The following APBB2 variants were observed in gnomAD, a reference collection of about 807,000 sequenced individuals.
APBB2 encodes the protein amyloid beta precursor protein binding family B member 2, also known as Fe65-like 1.
A neutral mutation model predicts 82.5 loss-of-function variants in APBB2; 38 were observed. The ratio of observed to expected loss-of-function variants is 0.46; its 90% CI spans 0.36 to 0.60. The LOEUF (loss-of-function observed/expected upper bound fraction) is 0.60. APBB2 is among the 20% of genes least tolerant of loss of function. The probability of loss-of-function intolerance (pLI) is 0.00; values close to 1 mark genes in which losing one functional copy is unlikely to be tolerated. For missense variants in APBB2, 772 were observed against 972.3 expected (o/e 0.79, Z 2.74); for synonymous variants, 341 against 368.2 (o/e 0.93, Z 0.85).
At chr4:40,957,474 T>C (rs1263649197) in intron 6 of APBB2, among the ~76,000 whole-genome samples, 1 of 152,228 alleles carries the variant, frequency 6.6e-6, no homozygotes. Context: ...TTTTCTGTCA[T>C]GTAGTTGAGC....
chr4:40,881,388 T>C (rs1768464933), intron 12 of APBB2: 6 of 984,966 alleles, frequency 6.1e-6, no homozygotes, highest in Non-Finnish European at 7.2e-6. Context: ...CTCTACTTCT[T>C]CCAGACTGAG....
chr4:40,823,232 T>G (rs982853510), intron 16 of APBB2, among the ~76,000 whole-genome samples: 1 of 152,228 alleles, frequency 6.6e-6, no homozygotes. Context: ...TAATGTGGCC[T>G]CTTCTCAAGA....
chr4:41,081,913 C>G (rs1452357292), intron 3 of APBB2, among the ~76,000 whole-genome samples: 2 of 152,180 alleles, frequency 1.3e-5, no homozygotes, highest in East Asian at 3.8e-4. Flanking sequence ...CAATTAAAAG[C>G]AAGTCAAATG....
chr4:41,168,474 G>A (rs746760629), intron 1 of APBB2, among the ~76,000 whole-genome samples: 33 of 151,846 alleles, frequency 2.2e-4, no homozygotes, highest in Non-Finnish European at 4.3e-4. Flanking sequence ...GAGTAGCTGG[G>A]ATTACAGGCA....
At chr4:41,197,623 A>G in intron 1 of APBB2, among the ~76,000 whole-genome samples, 5,491 of 152,230 alleles carry the variant, frequency 0.036, 214 homozygotes, top group African/African-American at 0.1. Flanking sequence ...TGTACCTGCC[A>G]ACGTCTTTAG....
At position 41,036,475 on chromosome 4, in the gene APBB2, T is replaced by C. The variant is rs942023681; in HGVS notation, c.-50-3171A>G. Among the ~76,000 whole-genome samples the C allele has an allele frequency of 9.2e-5, 14 of 152,222 alleles. No individual in the cohort carries two copies. In the East Asian group the frequency reaches 2.3e-3, roughly 25 times the overall value. On this transcript the variant is annotated intron_variant, in intron 4 of 17. Transcript: ENST00000508593. ...CCATATTTACTCCATACCTGCCATG[T>C]GTCATGCATTATGCTAGGAGCAGGG... is the stretch of plus-strand genomic sequence containing the variant.
At chr4:41,155,208 A>G (rs1290991034) in intron 1 of APBB2, among the ~76,000 whole-genome samples, 2 of 152,258 alleles carry the variant, frequency 1.3e-5, no homozygotes, top group Non-Finnish European at 2.9e-5. Flanking sequence ...TCAAATTCTG[A>G]AACCTAATTC....
chr4:40,831,421 A>T (rs6830913), intron 12 of APBB2, among the ~76,000 whole-genome samples: 1 of 150,680 alleles, frequency 6.6e-6, no homozygotes, highest in Non-Finnish European at 1.5e-5. Flanking sequence ...CAAAAAAAAA[A>T]CATAACTTCA....
At chr4:40,901,907 TTATG>T (rs756899342) in intron 10 of APBB2, among the ~76,000 whole-genome samples, 3 of 121,482 alleles carry the variant, frequency 2.5e-5, no homozygotes, top group Non-Finnish European at 3.4e-5. Context: ...ATATCCAAAA[TTATG>T]TGTGTGTGTG....
intron 10 of APBB2, among the ~76,000 whole-genome samples, chr4:40,896,069 C>CT (rs34037610): frequency 0.2 from 28,685 of 145,798 alleles, 2,859 homozygotes; most frequent in Middle Eastern, 0.3. Flanking sequence ...CAATACAGTT[C>CT]TTTTTTTTTT....
intron 6 of APBB2, among the ~76,000 whole-genome samples, chr4:40,990,628 T>C (rs1297862423): frequency 2.0e-5 from 3 of 152,174 alleles, no homozygotes; most frequent in Admixed American, 6.6e-5. Context: ...GGCAAGCTCA[T>C]GGGGGAAATG....
chr4:40,942,150 T>C (rs1787161107), intron 7 of APBB2, among the ~76,000 whole-genome samples: 1 of 152,176 alleles, frequency 6.6e-6, no homozygotes, highest in African/African-American at 2.4e-5. Context: ...ATCTGCTTGG[T>C]TCTTTGACTT....
intron 4 of APBB2, among the ~76,000 whole-genome samples, chr4:41,059,527 G>A (rs1483105439): frequency 6.6e-6 from 1 of 152,210 alleles, no homozygotes; most frequent in East Asian, 1.9e-4. Flanking sequence ...CGCGAATGAG[G>A]GCAAGGAACA....
intron 12 of APBB2, among the ~76,000 whole-genome samples, chr4:40,889,600 A>G (rs1771375784): frequency 6.6e-6 from 1 of 152,252 alleles, no homozygotes; most frequent in Non-Finnish European, 1.5e-5. Context: ...ACTGACTATA[A>G]TTTAAGAATT....
At chr4:41,029,633 C>T (rs1000466049) in intron 5 of APBB2, among the ~76,000 whole-genome samples, 12 of 152,166 alleles carry the variant, frequency 7.9e-5, no homozygotes, top group African/African-American at 2.9e-4. Context: ...TTGATTTAGC[C>T]ATTCCACAAT....
intron 6 of APBB2, among the ~76,000 whole-genome samples, chr4:40,955,900 C>T (rs1197471543): frequency 1.3e-5 from 2 of 152,130 alleles, no homozygotes; most frequent in African/African-American, 4.8e-5. Flanking sequence ...CTCAGCCTCT[C>T]GAGTAGCTGG....
chr4:40,971,651 T>TA (rs35528755), intron 6 of APBB2, among the ~76,000 whole-genome samples: 39,774 of 152,102 alleles, frequency 0.26, 5,244 homozygotes, highest in Middle Eastern at 0.32. Context: ...TATTTAGCAA[T>TA]AGAACTTAAG....
At chr4:41,022,513 C>G (rs953936058) in intron 5 of APBB2, among the ~76,000 whole-genome samples, 3 of 152,172 alleles carry the variant, frequency 2.0e-5, no homozygotes, top group African/African-American at 7.2e-5. Context: ...TTTGAAGATT[C>G]AGAAAAGATG....
chr4:41,082,031 G>A (rs1274325623), intron 3 of APBB2, among the ~76,000 whole-genome samples: 3 of 151,534 alleles, frequency 2.0e-5, no homozygotes, highest in Non-Finnish European at 4.4e-5. Context: ...TAGTATATTG[G>A]AGGAACATGA....
Sources: gnomAD v4.1 joint callset for allele counts (sites outside exome capture counted in the v4.1 genomes callset) on GRCh38, gnomAD v4.1.1 for gene constraint, MANE v1.5 for transcripts, NCBI Gene and HGNC (gene_info 2026-07-23, HGNC 2026-07-21) for gene names.